Variants in PAPPA2 observed in about 807,000 individuals in gnomAD.
PAPPA2 encodes pappalysin-2.
In PAPPA2, 86 loss-of-function variants were observed where a neutral mutation model predicts 176.4. That is an observed-to-expected ratio of 0.49 (90% CI 0.41 to 0.58). The LOEUF is 0.58. Ranked by LOEUF, PAPPA2 falls within the 20% of genes least tolerant of loss-of-function variation. The pLI is 0.00. For synonymous variants in PAPPA2, 809 were observed against 852.2 expected (o/e 0.95, Z 0.88); for missense variants, 2,073 against 2,256.9 (o/e 0.92, Z 1.65).
chr1:176,475,742 GTTC>G (rs1652086827), intron 1 of PAPPA2, among the ~76,000 whole-genome samples: 1 of 152,186 alleles, frequency 6.6e-6, no homozygotes, highest in African/African-American at 2.4e-5. Flanking sequence ...ATTTTAGGGT[GTTC>G]TTTTGCTTTG....
At chr1:176,822,943 C>A (rs1424842496) in intron 21 of PAPPA2, among the ~76,000 whole-genome samples, 2 of 152,162 alleles carry the variant, frequency 1.3e-5, no homozygotes, top group Non-Finnish European at 2.9e-5. Context: ...AAGGTAATAA[C>A]CACCAACTAA....
rs143962987 is a variant in PAPPA2, at chr1:176,683,400, C to T, written c.2138-6737C>T. On this transcript the variant is annotated intron_variant, in intron 4 of 22. Coordinates refer to ENST00000367662, the MANE Select transcript of PAPPA2 (RefSeq NM_020318.3). ...CTAAATCCTGGGAGCCCATTCATATCGTTTTCCATGTACAAGTTGATGGTA... is the reference window on the plus strand; with the variant it reads ...CTAAATCCTGGGAGCCCATTCATATTGTTTTCCATGTACAAGTTGATGGTA... 1.9e-3 allele frequency among the ~76,000 whole-genome samples: 290 copies of T among 152,276 alleles called. 1 individual carries two copies. The highest frequency in any genetic ancestry group is 6.7e-3 in the African/African-American group (277 of 41,562).
At chr1:176,726,470 G>A (rs1432573070) in intron 12 of PAPPA2, among the ~76,000 whole-genome samples, 1 of 152,156 alleles carries the variant, frequency 6.6e-6, no homozygotes, top group Non-Finnish European at 1.5e-5. Flanking sequence ...AATAAATGAC[G>A]AGATATTAAG....
At chr1:176,822,050 C>T (rs1571378484) in intron 21 of PAPPA2, among the ~76,000 whole-genome samples, 1 of 152,282 alleles carries the variant, frequency 6.6e-6, no homozygotes, top group East Asian at 1.9e-4. Context: ...CTCCCTGCCT[C>T]CCACTCACCC....
chr1:176,631,981 A>T (rs1472391169), intron 3 of PAPPA2, among the ~76,000 whole-genome samples: 1 of 152,046 alleles, frequency 6.6e-6, no homozygotes, highest in Non-Finnish European at 1.5e-5. Flanking sequence ...AGGATAGAGG[A>T]TGATGGAGAT....
At chr1:176,539,276 T>C (rs888674761) in intron 1 of PAPPA2, among the ~76,000 whole-genome samples, 1 of 152,076 alleles carries the variant, frequency 6.6e-6, no homozygotes, top group African/African-American at 2.4e-5. Flanking sequence ...GCTGAATAAA[T>C]TGTATGGGGT....
At chr1:176,581,066 T>C (rs1308480875) in intron 2 of PAPPA2, among the ~76,000 whole-genome samples, 1 of 152,206 alleles carries the variant, frequency 6.6e-6, no homozygotes, top group South Asian at 2.1e-4. Flanking sequence ...GTTTCCCCTA[T>C]ATTTTCTTCT....
chr1:176,568,328 G>A (rs1333475911), intron 2 of PAPPA2, among the ~76,000 whole-genome samples: 1 of 152,186 alleles, frequency 6.6e-6, no homozygotes, highest in Non-Finnish European at 1.5e-5. Flanking sequence ...TGGTTCTGTA[G>A]CACTTACTCT....
rs759392953 is a variant in PAPPA2 at position 176,791,480 on chromosome 1, T to C, written c.5018T>C (p.Ile1673Thr). Residue 1673 changes from isoleucine to threonine, a missense_variant and splice_region_variant, in exon 19 of 23, where the codon ATT becomes ACT. Coordinates refer to ENST00000367662, the MANE Select transcript of PAPPA2 (RefSeq NM_020318.3). Reference sequence around the variant, plus strand: ...TACAAATGTGAACAAGGATATGGGATTGGTAAGGATAGGAGTGAATCTTAA... The same window carrying C: ...TACAAATGTGAACAAGGATATGGGACTGGTAAGGATAGGAGTGAATCTTAA... ...VEYKCEQGYG[I>T]GAVCSPLCVI... The C allele has an allele frequency of 6.2e-7, 1 of 1,613,222 alleles. No homozygotes were observed. The highest frequency in any genetic ancestry group is 8.5e-7 in the Non-Finnish European group (1 of 1,179,462).
intron 3 of PAPPA2, among the ~76,000 whole-genome samples, chr1:176,648,212 GCTTT>G (rs1159471537): frequency 1.3e-5 from 2 of 151,366 alleles, no homozygotes; most frequent in Non-Finnish European, 3.0e-5. Flanking sequence ...AAATAGGATT[GCTTT>G]CTTTATTTCT....
rs955521911 is a variant in PAPPA2 at position 176,788,078 on chromosome 1, G to GA, written c.4716-1722dup. Among the ~76,000 whole-genome samples, 38 of 150,650 alleles carry GA rather than the reference G, an allele frequency of 2.5e-4. No individual in the cohort carries two copies. In the East Asian group the frequency reaches 5.8e-3, roughly 23 times the overall value. The stretch of plus-strand genomic sequence containing the variant: ...TCCATCTCAGAAAAAAAAAGAAAAA[G>GA]AAAAAAAAAGATGATTTCATTAGTA... On this transcript the variant is annotated intron_variant, in intron 17 of 22. Transcript: ENST00000367662.
chr1:176,470,880 T>TAA (rs924636981), intron 1 of PAPPA2, among the ~76,000 whole-genome samples: 1,783 of 151,858 alleles, frequency 0.012, 32 homozygotes, highest in African/African-American at 0.04. Context: ...TTTTTTTTTT[T>TAA]AAAGTTTTAG....
intron 1 of PAPPA2, among the ~76,000 whole-genome samples, chr1:176,501,482 C>A (rs1369609854): frequency 1.3e-5 from 2 of 152,108 alleles, no homozygotes; most frequent in Non-Finnish European, 2.9e-5. Flanking sequence ...TCACTTCTGT[C>A]CAAACTGATG....
At chr1:176,521,493 A>G (rs1034857169) in intron 1 of PAPPA2, among the ~76,000 whole-genome samples, 6 of 152,184 alleles carry the variant, frequency 3.9e-5, no homozygotes, top group African/African-American at 1.4e-4. Flanking sequence ...TGCCCTACCT[A>G]CACCACATGA....
Position 176,699,283 on chromosome 1 carries a change from C to T in PAPPA2, c.2930C>T (p.Ser977Phe). Reference sequence around the variant, plus strand: ...TGGGTCACTTCCTTCTTCATGGAGTCCTCGCAGGTCCTCTTTGACACAGAG... The same window carrying T: ...TGGGTCACTTCCTTCTTCATGGAGTTCTCGCAGGTCCTCTTTGACACAGAG... ...TLWVTSFFMESSQVLFDTEIL... is the reference protein window; with the variant it reads ...TLWVTSFFMEFSQVLFDTEIL... Residue 977 changes from serine to phenylalanine, a missense_variant, in exon 8 of 23, where the codon TCC (serine) becomes TTC (phenylalanine). By Grantham distance (155) the Ser-to-Phe change is radical (BLOSUM62 -2). This residue lies in a region of PAPPA2 where 1,196 missense variants were observed against 1,330.4 expected (regional missense o/e 0.90). Transcript: ENST00000367662. The T allele has an allele frequency of 6.2e-7, 1 of 1,614,174 alleles. No individual in the cohort carries two copies. Among genetic ancestry groups the T allele is most frequent in the South Asian group, 1.1e-5 (1 of 91,074 alleles).
At chr1:176,522,907 A>G (rs531000552) in intron 1 of PAPPA2, among the ~76,000 whole-genome samples, 1 of 152,284 alleles carries the variant, frequency 6.6e-6, no homozygotes, top group African/African-American at 2.4e-5. Context: ...GCCTTTGGCA[A>G]ACGAGGGGCA....
intron 14 of PAPPA2, among the ~76,000 whole-genome samples, chr1:176,742,515 A>G (rs1039987447): frequency 6.6e-6 from 1 of 152,216 alleles, no homozygotes; most frequent in Non-Finnish European, 1.5e-5. Context: ...TCCAGTTTAC[A>G]CTGTGTATCT....
At chr1:176,733,886 C>T (rs1470121005) in intron 12 of PAPPA2, among the ~76,000 whole-genome samples, 3 of 152,060 alleles carry the variant, frequency 2.0e-5, no homozygotes, top group Non-Finnish European at 4.4e-5. Flanking sequence ...GTCAGCATCC[C>T]ACAGAGAGCT....
chr1:176,545,150 C>T (rs1335557153), intron 1 of PAPPA2, among the ~76,000 whole-genome samples: 1 of 152,160 alleles, frequency 6.6e-6, no homozygotes, highest in Non-Finnish European at 1.5e-5. Context: ...TTCCAGCCCT[C>T]TAACCATATG....
Sources: allele counts gnomAD v4.1 joint callset (sites outside exome capture counted in the v4.1 genomes callset), GRCh38; gene constraint gnomAD v4.1.1; regional missense constraint gnomAD v4.1.1; transcripts MANE v1.5; gene names NCBI Gene and HGNC (gene_info 2026-07-23, HGNC 2026-07-21).